Variants in FHIT observed in about 807,000 individuals in gnomAD.
FHIT encodes the protein fragile histidine triad diadenosine triphosphatase.
Under a neutral mutation model 17.9 loss-of-function variants are expected in FHIT, and 19 were observed. That is an observed-to-expected ratio of 1.06 (90% CI 0.74 to 1.56). FHIT has a LOEUF of 1.56. Ranked by LOEUF, FHIT falls within the 40% of genes most tolerant of loss-of-function variation. The pLI, the probability that FHIT is intolerant of heterozygous loss-of-function variation, is 0.00. For missense variants in FHIT, 248 were observed against 189.2 expected (o/e 1.31, Z -1.82); for synonymous variants, 81 against 69.7 (o/e 1.16, Z -0.81).
At chr3:60,254,435 G>A (rs555459471) in intron 5 of FHIT, among the ~76,000 whole-genome samples, 2 of 152,126 alleles carry the variant, frequency 1.3e-5, no homozygotes, top group East Asian at 1.9e-4. Context: ...TATATCAAAC[G>A]CACAGCAGAG....
intron 5 of FHIT, among the ~76,000 whole-genome samples, chr3:60,481,699 A>G (rs1385785440): frequency 6.6e-6 from 1 of 152,192 alleles, no homozygotes; most frequent in Non-Finnish European, 1.5e-5. Context: ...AAGGAGAAAC[A>G]AGTACCAGCT....
intron 3 of FHIT, among the ~76,000 whole-genome samples, chr3:60,898,005 C>A (rs1445221047): frequency 6.6e-6 from 1 of 151,958 alleles, no homozygotes; most frequent in Non-Finnish European, 1.5e-5. Flanking sequence ...AAAATTAAAA[C>A]TACAGCTAGG....
At chr3:60,229,604 G>C (rs1704392581) in intron 5 of FHIT, among the ~76,000 whole-genome samples, 1 of 152,022 alleles carries the variant, frequency 6.6e-6, no homozygotes, top group South Asian at 2.1e-4. Context: ...TCTTTAGAAG[G>C]GGACTTTCCT....
At chr3:60,473,217 A>T (rs2033177881) in intron 5 of FHIT, among the ~76,000 whole-genome samples, 1 of 152,240 alleles carries the variant, frequency 6.6e-6, no homozygotes, top group Non-Finnish European at 1.5e-5. Flanking sequence ...ACCAACGCTG[A>T]AAACTCCATA....
intron 5 of FHIT, among the ~76,000 whole-genome samples, chr3:60,212,909 A>C (rs1013651604): frequency 1.3e-5 from 2 of 152,186 alleles, no homozygotes; most frequent in African/African-American, 4.8e-5. Flanking sequence ...CAAGTGGAGC[A>C]GCTGTCTATC....
chr3:60,796,031 G>C (rs1700969545), intron 4 of FHIT, among the ~76,000 whole-genome samples: 1 of 152,128 alleles, frequency 6.6e-6, no homozygotes. Flanking sequence ...TTACATGGTG[G>C]CAGCAAGAGA....
intron 5 of FHIT, among the ~76,000 whole-genome samples, chr3:60,173,915 A>ATATATATATATATATTTTTT: frequency 6.0e-5 from 4 of 66,442 alleles, no homozygotes; most frequent in Non-Finnish European, 1.1e-4. Context: ...ATATATATAT[A>ATATATATATATATATTTTTT]TGTTTTTTTT....
At chr3:60,989,159 A>G (rs1487779131) in intron 3 of FHIT, among the ~76,000 whole-genome samples, 1 of 151,866 alleles carries the variant, frequency 6.6e-6, no homozygotes, top group Non-Finnish European at 1.5e-5. Flanking sequence ...CTAAGACATT[A>G]TTTATTTATG....
At chr3:59,761,121 A>C (rs1474482672) in intron 8 of FHIT, among the ~76,000 whole-genome samples, 1 of 152,134 alleles carries the variant, frequency 6.6e-6, no homozygotes, top group African/African-American at 2.4e-5. Flanking sequence ...GATTGGAACG[A>C]TCTTGCCCAA....
chr3:60,779,554 C>T (rs77221380), intron 4 of FHIT, among the ~76,000 whole-genome samples: 15,413 of 152,150 alleles, frequency 0.1, 946 homozygotes, highest in African/African-American at 0.16. Flanking sequence ...GCAAGCATAA[C>T]TATAGCTACC....
chr3:60,879,130 T>C lies in FHIT; in HGVS notation c.-110-57119A>G, dbSNP rs549102511. 3.3e-5 allele frequency among the ~76,000 whole-genome samples: 5 copies of C among 152,310 alleles called. No homozygotes were observed. The South Asian group carries it at 1.0e-3, about 32-fold the overall frequency. ...AACAGTGTAAAAGTGTTCCTATTTC[T>C]CCACATCCTCTCCAGCACCTGTTGT... On this transcript the variant is annotated intron_variant, in intron 3 of 9. Transcript: ENST00000492590.
intron 5 of FHIT, among the ~76,000 whole-genome samples, chr3:60,391,760 A>C (rs1701242509): frequency 6.6e-6 from 1 of 152,164 alleles, no homozygotes; most frequent in African/African-American, 2.4e-5. Flanking sequence ...GAAATCACCT[A>C]AGGACACACT....
intron 2 of FHIT, among the ~76,000 whole-genome samples, chr3:61,153,102 T>C: frequency 7.0e-6 from 1 of 142,742 alleles, no homozygotes; most frequent in African/African-American, 2.6e-5. Flanking sequence ...AAGATCACGC[T>C]ACTGTACTCC....
intron 1 of FHIT, among the ~76,000 whole-genome samples, chr3:61,209,997 A>G (rs917894049): frequency 6.6e-6 from 1 of 152,016 alleles, no homozygotes; most frequent in Non-Finnish European, 1.5e-5. Flanking sequence ...TTTGGTGTGG[A>G]TGTCCTTTCT....
chr3:60,150,146 G>C (rs1030868922), intron 5 of FHIT, among the ~76,000 whole-genome samples: 1 of 151,162 alleles, frequency 6.6e-6, no homozygotes. Context: ...ACAGGCATGC[G>C]CCCCCCACGC....
intron 4 of FHIT, among the ~76,000 whole-genome samples, chr3:60,761,995 T>G (rs1029946398): frequency 1.3e-5 from 2 of 152,296 alleles, no homozygotes; most frequent in African/African-American, 2.4e-5. Flanking sequence ...GAAGGTGACT[T>G]CACATTGATC....
At position 60,503,189 on chromosome 3, in the gene FHIT, T is replaced by C. The variant is rs191020033; in HGVS notation, c.103+33671A>G. ...GTAAAATAACTTTAAAATATAGTAA[T>C]GCTCAATAATTCTTAGCTAGTAATC... On this transcript the variant is annotated intron_variant, in intron 5 of 9. Coordinates refer to ENST00000492590, the MANE Select transcript of FHIT (RefSeq NM_002012.4). Among the ~76,000 whole-genome samples, 335 of 152,328 alleles carry C rather than the reference T, an allele frequency of 2.2e-3. 1 individual carries two copies. Among genetic ancestry groups the C allele is most frequent in the Non-Finnish European group, 3.9e-3 (267 of 68,024 alleles).
In FHIT at chr3:60,842,639, ATATATATTTTTTT is replaced by A. The variant is rs1702772125; in HGVS notation, c.-110-20641_-110-20629del. Among the ~76,000 whole-genome samples the A allele has an allele frequency of 3.4e-3, 149 of 43,400 alleles. 2 individuals carry two copies. The highest frequency in any genetic ancestry group is 0.026 in the Middle Eastern group (3 of 114). 28.5% of individuals were successfully genotyped at this position (43,400 alleles called of 152,430 possible). ...CATATATATATGAGTGTATATATAT[ATATATATTTTTTT>A]TTTTTTTTTTTTCCCTTGCTAGGCA... On this transcript the variant is annotated intron_variant, in intron 3 of 9. Coordinates refer to ENST00000492590, the MANE Select transcript of FHIT (RefSeq NM_002012.4).
intron 3 of FHIT, among the ~76,000 whole-genome samples, chr3:60,966,316 G>A (rs1051237439): frequency 3.9e-5 from 6 of 152,166 alleles, no homozygotes; most frequent in Admixed American, 6.5e-5. Flanking sequence ...GGAGTGTCCC[G>A]ATTTTCCAGG....
Sources: allele counts gnomAD v4.1 joint callset (sites outside exome capture counted in the v4.1 genomes callset), GRCh38; gene constraint gnomAD v4.1.1; transcripts MANE v1.5; gene names NCBI Gene and HGNC (gene_info 2026-07-23, HGNC 2026-07-21).